STK40: variants seen among roughly 807,000 people sequenced by gnomAD.
STK40 encodes serine/threonine-protein kinase 40.
Under a neutral mutation model 47.9 loss-of-function variants are expected in STK40, and 13 were observed. The observed-to-expected ratio is 0.27, with a 90% CI of 0.18 to 0.43. The LOEUF (loss-of-function observed/expected upper bound fraction) is 0.43, where lower values mean the gene tolerates loss of function less well. Ranked by LOEUF, STK40 falls within the 20% of genes least tolerant of loss-of-function variation. The pLI is 1.00. For synonymous variants in STK40, 225 were observed against 243.2 expected (o/e 0.93, Z 0.69); for missense variants, 460 against 595.1 (o/e 0.77, Z 2.36).
At position 36,341,877 on chromosome 1, in the gene STK40, G is replaced by T. The variant is rs199625181; in HGVS notation, c.1186C>A (p.Arg396=). The part of the protein sequence containing the change: ...AEEKSSIHDA[R]SWVPKRQFGS... Reference sequence around the variant, plus strand: ...AACTGCCGCTTGGGTACCCAGCTCCGGGCGTCATGGATGGAGCTCTTCTCC... The same window carrying T: ...AACTGCCGCTTGGGTACCCAGCTCCTGGCGTCATGGATGGAGCTCTTCTCC... The change falls in exon 11 of 11, where the codon CGG becomes AGG. Residue 396 remains arginine (R), a synonymous_variant. Transcript: ENST00000373132. 1 of 1,614,014 alleles carries T rather than the reference G, an allele frequency of 6.2e-7. No homozygotes were observed. The highest frequency in any genetic ancestry group is 1.3e-5 in the African/African-American group (1 of 75,074).
chr1:36,355,317 G>A lies in STK40; in HGVS notation c.459C>T (p.Thr153=), dbSNP rs778247238. The A allele has an allele frequency of 8.1e-6, 13 of 1,614,140 alleles. No homozygotes were observed. Among genetic ancestry groups the A allele is most frequent in the Middle Eastern group, 1.7e-4 (1 of 6,060 alleles). The change falls in exon 5 of 11, where the codon ACC becomes ACT. Residue 153 remains threonine (T), a synonymous_variant. Transcript: ENST00000373132. ...CLCAHDFSDK[T]ADLINLQHYV... Reference sequence around the variant, plus strand: ...AGTGCTGCAGGTTGATGAGGTCAGCGGTCTTATCGCTGAAGTCATGAGCAC... The same window carrying A: ...AGTGCTGCAGGTTGATGAGGTCAGCAGTCTTATCGCTGAAGTCATGAGCAC...
intron 3 of STK40, 67 bp from the exon 4 acceptor site, chr1:36,358,449 AC>A (rs1040279895): frequency 1.6e-4 from 244 of 1,538,426 alleles, no homozygotes; most frequent in Non-Finnish European, 2.0e-4. Context: ...AACAACCAGA[AC>A]GGGGGAAGCA....
intron 2 of STK40, among the ~76,000 whole-genome samples, chr1:36,360,832 T>G (rs1646845964): frequency 6.6e-6 from 1 of 152,164 alleles, no homozygotes; most frequent in Non-Finnish European, 1.5e-5. Context: ...AGTGAGCTAT[T>G]GCACCTGGCC....
chr1:36,375,547 T>G (rs1250924748), intron 1 of STK40, among the ~76,000 whole-genome samples: 1 of 151,764 alleles, frequency 6.6e-6, no homozygotes, highest in Admixed American at 6.6e-5. Flanking sequence ...CTTCTTTCTA[T>G]CCCAGATTTC....
At chr1:36,378,127 G>A (rs1242634916) in intron 1 of STK40, among the ~76,000 whole-genome samples, 1 of 152,194 alleles carries the variant, frequency 6.6e-6, no homozygotes, top group African/African-American at 2.4e-5. Context: ...GGTCAGGGAG[G>A]GACCTGTCTC....
chr1:36,358,616 T>C (rs1646825815), intron 3 of STK40, 121 bp downstream of exon 3: 2 of 1,215,528 alleles, frequency 1.6e-6, no homozygotes, highest in Non-Finnish European at 2.3e-6. Flanking sequence ...TGATTGCTTC[T>C]CGGGAAGAAA....
intron 1 of STK40, among the ~76,000 whole-genome samples, chr1:36,375,352 C>T (rs550232559): frequency 6.6e-6 from 1 of 151,742 alleles, no homozygotes; most frequent in South Asian, 2.1e-4. Flanking sequence ...ACTAAAAATA[C>T]AAAAATTAGC....
Position 36,360,179 on chromosome 1 carries a change from C to T in STK40, c.112+1042G>A, listed in dbSNP as rs183146067. Reference sequence around the variant, plus strand: ...AACAGCACAGGCCTGGCAAACAGCACAGGCCTGGCACGTAGTAGGTACACA... The same window carrying T: ...AACAGCACAGGCCTGGCAAACAGCATAGGCCTGGCACGTAGTAGGTACACA... On this transcript the variant is annotated intron_variant, in intron 2 of 10. Coordinates refer to ENST00000373132, the MANE Select transcript of STK40 (RefSeq NM_001282547.2). Among the ~76,000 whole-genome samples the T allele has an allele frequency of 9.5e-4, 144 of 151,862 alleles. 3 individuals are homozygous for T. The East Asian group carries it at 0.018, about 19-fold the overall frequency.
intron 1 of STK40, among the ~76,000 whole-genome samples, chr1:36,372,114 G>A (rs963333281): frequency 3.3e-5 from 5 of 152,104 alleles, no homozygotes; most frequent in African/African-American, 4.8e-5. Flanking sequence ...TAGAACCCAC[G>A]GATGTGGAGG....
chr1:36,341,484 G>A lies in STK40; in HGVS notation c.*271C>T, dbSNP rs1228606377. ...TCAGTCCAGAGACAGCATGGTTAAA[G>A]AGACAGAGGTAGATTAAAACATCGT... is the stretch of plus-strand genomic sequence containing the variant. On this transcript the variant is annotated 3_prime_UTR_variant, in exon 11 of 11. Transcript: ENST00000373132. 6.4e-6 allele frequency: 3 copies of A among 471,530 alleles called. No homozygotes were observed. The highest frequency in any genetic ancestry group is 2.2e-5 in the South Asian group (1 of 45,268). 29.2% of individuals were successfully genotyped at this position (471,530 alleles called of 1,614,324 possible).
intron 4 of STK40, among the ~76,000 whole-genome samples, chr1:36,355,964 G>A (rs1646800184): frequency 1.3e-5 from 2 of 152,022 alleles, no homozygotes; most frequent in South Asian, 4.1e-4. Flanking sequence ...GAGGACTGTC[G>A]GGATGCAGTA....
chr1:36,348,194 G>A (rs751748349), intron 7 of STK40, among the ~76,000 whole-genome samples: 3 of 152,226 alleles, frequency 2.0e-5, no homozygotes, highest in African/African-American at 2.4e-5. Flanking sequence ...GCTTCCACTC[G>A]CACTTGAAGT....
intron 10 of STK40, chr1:36,343,113 G>T: frequency 3.1e-6 from 2 of 640,510 alleles, no homozygotes; most frequent in Non-Finnish European, 5.7e-6. Flanking sequence ...GGGCCACTTG[G>T]GCACTGGCTC....
In STK40 at chr1:36,348,791, G is replaced by A. The variant is rs1646726388; in HGVS notation, c.648C>T (p.Asn216=). Residue 216 remains asparagine (N), a synonymous_variant, in exon 7 of 11, where the codon AAC becomes AAT. Coordinates refer to ENST00000373132, the MANE Select transcript of STK40 (RefSeq NM_001282547.2). ...TCACCAGATGCTTCCCGAGGCAGAA[G>A]TTGGTGATGGTTATCCGATGTGTCC... ...NKRTHRITIT[N]FCLGKHLVSE... is the part of the protein sequence containing the mutation. The A allele has an allele frequency of 1.2e-6, 2 of 1,607,036 alleles. No individual in the cohort carries two copies. The highest frequency in any genetic ancestry group is 1.7e-6 in the Non-Finnish European group (2 of 1,176,478).
At chr1:36,358,055 T>C (rs1399349093) in intron 4 of STK40, among the ~76,000 whole-genome samples, 184 bp downstream of exon 4, 1 of 152,188 alleles carries the variant, frequency 6.6e-6, no homozygotes, top group Non-Finnish European at 1.5e-5. Context: ...GGAGCACAGC[T>C]AGTGTGGCCC....
At chr1:36,361,451 C>A in intron 1 of STK40, 111 bp from the exon 2 acceptor site, 2 of 1,512,786 alleles carry the variant, frequency 1.3e-6, no homozygotes, top group East Asian at 2.3e-5. Context: ...GCCGCTGCTG[C>A]CTCCAACTCC....
chr1:36,355,184 C>T (rs1324964582), intron 5 of STK40, 22 bp downstream of exon 5: 1 of 1,610,828 alleles, frequency 6.2e-7, no homozygotes. Flanking sequence ...CCAGAAGGCG[C>T]AGCAGCAGGG....
intron 7 of STK40, among the ~76,000 whole-genome samples, chr1:36,348,107 T>C (rs1396150527): frequency 1.3e-5 from 2 of 152,210 alleles, no homozygotes; most frequent in Admixed American, 6.5e-5. Flanking sequence ...AGTAACAGAA[T>C]GAATGAACAC....
chr1:36,356,358 A>C (rs1646804062), intron 4 of STK40, among the ~76,000 whole-genome samples: 1 of 151,258 alleles, frequency 6.6e-6, no homozygotes, highest in Non-Finnish European at 1.5e-5. Flanking sequence ...CATGCGGGGT[A>C]GACTGACTGT....
Sources: gnomAD v4.1 joint callset for allele counts (sites outside exome capture counted in the v4.1 genomes callset) on GRCh38, gnomAD v4.1.1 for gene constraint, MANE v1.5 for transcripts, NCBI Gene and HGNC (gene_info 2026-07-23, HGNC 2026-07-21) for gene names.